The following PWWP2A variants were observed in gnomAD, a reference collection of about 807,000 sequenced individuals.
PWWP2A encodes PWWP domain-containing protein 2A.
Under a neutral mutation model 48.5 loss-of-function variants are expected in PWWP2A, and 18 were observed. The observed-to-expected ratio is 0.37, with a 90% CI of 0.26 to 0.55. PWWP2A has a LOEUF of 0.55. PWWP2A is among the 20% of genes least tolerant of loss of function. PWWP2A has a pLI of 0.81. For synonymous variants in PWWP2A, 396 were observed against 387.7 expected (o/e 1.02, Z -0.25); for missense variants, 867 against 976.4 (o/e 0.89, Z 1.49).
chr5:160,067,394 AC>A (rs1753640242), intron 2 of PWWP2A, among the ~76,000 whole-genome samples: 6 of 152,214 alleles, frequency 3.9e-5, no homozygotes, highest in Non-Finnish European at 8.8e-5. Flanking sequence ...AACTACTGTC[AC>A]ATCGTGCCTT....
chr5:160,068,043 C>T (rs1380937637), intron 2 of PWWP2A, among the ~76,000 whole-genome samples: 2 of 152,262 alleles, frequency 1.3e-5, no homozygotes, highest in Middle Eastern at 3.4e-3. Context: ...TAGCCAGGCA[C>T]AATGGCACAT....
chr5:160,090,746 ACTG>A (rs913794893), downstream of PWWP2A: 56 of 961,224 alleles, frequency 5.8e-5, no homozygotes, highest in Non-Finnish European at 6.8e-5. Flanking sequence ...TCCACAAAAA[ACTG>A]CTAAATTTTA....
chr5:160,051,062 A>C, the PWWP2A span: 2 of 1,341,124 alleles, frequency 1.5e-6, no homozygotes, highest in Non-Finnish European at 2.0e-6. Context: ...CTCAAATTCA[A>C]AATAAAGGGA....
chr5:160,057,249 C>T (rs1486074415), downstream of PWWP2A, among the ~76,000 whole-genome samples: 3 of 152,104 alleles, frequency 2.0e-5, no homozygotes, highest in Admixed American at 6.5e-5. This position sits in a 1 kb window ranked among gnomAD's most constrained non-coding sequence, Gnocchi z 4.4. Context: ...CTCGAATTTA[C>T]CCAAGGTCAA....
chr5:160,094,206 TCTA>T (rs1755378656), intron 1 of PWWP2A, 141 bp from the exon 2 acceptor site: 1 of 1,090,684 alleles, frequency 9.2e-7, no homozygotes, highest in Non-Finnish European at 1.2e-6. Context: ...ACTACAAAAA[TCTA>T]CTATCTCTTC....
At chr5:160,086,233 T>C (rs562202691) in intron 2 of PWWP2A, among the ~76,000 whole-genome samples, 7 of 152,314 alleles carry the variant, frequency 4.6e-5, no homozygotes, top group Non-Finnish European at 1.0e-4. Flanking sequence ...AGAAAAAATA[T>C]TTAGCTGGGC....
chr5:160,086,107 T>C (rs111486983), intron 2 of PWWP2A, among the ~76,000 whole-genome samples: 2,181 of 152,170 alleles, frequency 0.014, 67 homozygotes, highest in African/African-American at 0.05. Context: ...AAGTGGGCCA[T>C]CGCGCCCGGC....
chr5:160,095,327 T>C (rs533542667), intron 1 of PWWP2A, among the ~76,000 whole-genome samples: 144 of 152,256 alleles, frequency 9.5e-4, no homozygotes, highest in African/African-American at 3.3e-3. Flanking sequence ...AATAACCTTA[T>C]TTCATAAATA....
the PWWP2A span, among the ~76,000 whole-genome samples, chr5:160,050,268 A>G: frequency 1.3e-5 from 2 of 152,182 alleles, no homozygotes; most frequent in African/African-American, 4.8e-5. Flanking sequence ...ACCAACATGG[A>G]GAAACCCTGT....
rs1554101247 is a variant in PWWP2A, at chr5:160,092,013, G to GATGGATATATATATATATATATAT, written c.*368_*369insATATATATATATATATATATCCAT. The GATGGATATATATATATATATATAT allele has an allele frequency of 9.7e-6, 3 of 310,614 alleles. No homozygotes were observed. The highest frequency in any genetic ancestry group is 9.4e-5 in the African/African-American group (3 of 31,960). The allele number at this position is 310,614 out of a possible 1,614,324, so 19.2% of individuals were successfully genotyped here. A position where few individuals can be genotyped will look rare whatever the true frequency, so the allele number is the denominator to read the frequency against. ...ATATGTGTGTATATATACATACACGGATATATATATATACACACACACACA... is the reference window on the plus strand; with the variant it reads ...ATATGTGTGTATATATACATACACGGATGGATATATATATATATATATATATATATATATATACACACACACACA... On this transcript the variant is annotated 3_prime_UTR_variant, in exon 2 of 2. Coordinates refer to ENST00000307063, the MANE Select transcript of PWWP2A (RefSeq NM_001130864.2).
At chr5:160,082,249 C>T (rs1395091433) in intron 2 of PWWP2A, among the ~76,000 whole-genome samples, 1 of 151,886 alleles carries the variant, frequency 6.6e-6, no homozygotes, top group Non-Finnish European at 1.5e-5. Flanking sequence ...TCGAGACCAT[C>T]CTGGCTAACA....
rs938890715 is a variant in PWWP2A at position 160,115,704 on chromosome 5, A to AT, written c.584+3100_584+3101insA. Among the ~76,000 whole-genome samples, 84 of 152,036 alleles carry AT rather than the reference A, an allele frequency of 5.5e-4. 1 individual carries two copies. Among genetic ancestry groups the AT allele is most frequent in the African/African-American group, 1.0e-3 (43 of 41,474 alleles). Reference sequence around the variant, plus strand: ...TGAGACTCCATCTCAAAAAAAGGAAAAAAAAAAAAATTAGCCAGGCGTGGT... The same window carrying AT: ...TGAGACTCCATCTCAAAAAAAGGAAATAAAAAAAAAATTAGCCAGGCGTGGT... On this transcript the variant is annotated intron_variant, in intron 1 of 1. Transcript: ENST00000307063.
intron 4 of PWWP2A, chr5:160,065,537 G>C (rs1753582450): frequency 2.6e-6 from 1 of 389,364 alleles, no homozygotes; most frequent in Non-Finnish European, 5.1e-6. Context: ...AAAGCTTTCT[G>C]TGCTTAGGTC....
chr5:160,058,806 AC>A (rs1195389063), downstream of PWWP2A, among the ~76,000 whole-genome samples: 2 of 152,152 alleles, frequency 1.3e-5, no homozygotes, highest in Non-Finnish European at 2.9e-5. Context: ...AGGTTTGAAA[AC>A]AACTTTAATC....
intron 1 of PWWP2A, among the ~76,000 whole-genome samples, chr5:160,118,178 C>G (rs994305220): frequency 6.6e-6 from 1 of 152,280 alleles, no homozygotes. Context: ...CTTCTTTAAA[C>G]TTTTCTTAAA....
chr5:160,091,874 A>C lies in PWWP2A; in HGVS notation c.*508T>G. The C allele has an allele frequency of 1.0e-6, 1 of 984,934 alleles. No homozygotes were observed. Among genetic ancestry groups the C allele is most frequent in the Non-Finnish European group, 1.2e-6 (1 of 829,692 alleles). The allele number at this position is 984,934 out of a possible 1,614,324, so 61.0% of individuals were successfully genotyped here. On this transcript the variant is annotated 3_prime_UTR_variant, in exon 2 of 2. Transcript: ENST00000307063. Reference sequence around the variant, plus strand: ...ATTATTTAAAAAACAAGTAGTCATTAAATATCCACTATTCCCCCAGCTCAC... The same window carrying C: ...ATTATTTAAAAAACAAGTAGTCATTCAATATCCACTATTCCCCCAGCTCAC...
chr5:160,074,040 G>A (rs890776348), downstream of PWWP2A, among the ~76,000 whole-genome samples: 4 of 150,922 alleles, frequency 2.7e-5, no homozygotes, highest in Non-Finnish European at 5.9e-5. Flanking sequence ...ACTCCAGCCT[G>A]GGTGACAGAG....
At chr5:160,052,059 G>A in the PWWP2A span, among the ~76,000 whole-genome samples, 96 of 152,328 alleles carry the variant, frequency 6.3e-4, no homozygotes, top group African/African-American at 2.1e-3. Flanking sequence ...ATTGAGAGGA[G>A]GCCATTAACC....
At chr5:160,045,904 G>A in the PWWP2A span, among the ~76,000 whole-genome samples, 1 of 151,824 alleles carries the variant, frequency 6.6e-6, no homozygotes, top group African/African-American at 2.4e-5. Flanking sequence ...CACCATGCCC[G>A]GCTAATTTTT....
Sources: allele counts gnomAD v4.1 joint callset (sites outside exome capture counted in the v4.1 genomes callset), GRCh38; gene constraint gnomAD v4.1.1; non-coding constraint Gnocchi (gnomAD v3.1); transcripts MANE v1.5; gene names NCBI Gene and HGNC (gene_info 2026-07-23, HGNC 2026-07-21).